The following DRC1 variants were observed in gnomAD, a reference collection of about 807,000 sequenced individuals.
The protein encoded by DRC1 is dynein regulatory complex subunit 1.
A neutral mutation model predicts 98.7 loss-of-function variants in DRC1; 74 were observed. The ratio of observed to expected loss-of-function variants is 0.75; its 90% CI spans 0.62 to 0.91. The LOEUF (loss-of-function observed/expected upper bound fraction) is 0.91. Among genes scored for constraint, DRC1 ranks in the 40% least tolerant of loss-of-function variants. The probability of loss-of-function intolerance (pLI) is 0.00; values close to 1 mark genes in which losing one functional copy is unlikely to be tolerated. For missense variants in DRC1, 875 were observed against 886.0 expected, an observed-to-expected ratio of 0.99 and a Z score of 0.16; for synonymous variants, 336 against 334.1, an observed-to-expected ratio of 1.01 and a Z score of -0.06.
intron 1 of DRC1, among the ~76,000 whole-genome samples, chr2:26,405,523 G>A (rs1310969197): frequency 1.3e-5 from 2 of 151,962 alleles, no homozygotes; most frequent in African/African-American, 4.8e-5. Flanking sequence ...GCACCTGAAG[G>A]TAGGTGGTCA....
intron 4 of DRC1, among the ~76,000 whole-genome samples, chr2:26,427,582 G>T (rs1663319562): frequency 6.6e-6 from 1 of 151,854 alleles, no homozygotes; most frequent in Admixed American, 6.6e-5. Context: ...AAACATTCCA[G>T]TTATACTCTT....
intron 8 of DRC1, among the ~76,000 whole-genome samples, chr2:26,441,113 T>G (rs1434064674): frequency 6.6e-6 from 1 of 152,218 alleles, no homozygotes; most frequent in African/African-American, 2.4e-5. Context: ...CATCCTTCCC[T>G]TCTTCCTCAT....
chr2:26,402,029 G>T lies in DRC1; in HGVS notation c.40G>T (p.Val14Leu). 1.2e-6 allele frequency: 2 copies of T among 1,612,680 alleles called. No homozygotes were observed. The highest frequency in any genetic ancestry group is 8.5e-7 in the Non-Finnish European group (1 of 1,179,556). The change falls in exon 1 of 17, where the codon GTG becomes TTG. Residue 14 changes from valine (V) to leucine (L), a missense_variant. Physicochemically the swap from Val to Leu is conservative, Grantham distance 32. Coordinates refer to ENST00000288710, the MANE Select transcript of DRC1 (RefSeq NM_145038.5). ...GTCCCTAGAGGCCCTGGACCCGAAC[G>T]TGGACGAGCACTTGTCCACCCAGAT... The part of the protein sequence containing the change: ...PGSLEALDPN[V>L]DEHLSTQILA...
At chr2:26,441,916 C>T (rs760186323) in intron 8 of DRC1, among the ~76,000 whole-genome samples, 2 of 152,216 alleles carry the variant, frequency 1.3e-5, no homozygotes, top group African/African-American at 2.4e-5. Context: ...TTCCTGCTCA[C>T]CACCACCCAG....
At chr2:26,403,883 C>T (rs1185816762) in intron 1 of DRC1, among the ~76,000 whole-genome samples, 1 of 150,730 alleles carries the variant, frequency 6.6e-6, no homozygotes, top group Non-Finnish European at 1.5e-5. Flanking sequence ...GGCGGGATCA[C>T]GAGGTCAGGA....
At chr2:26,415,131 C>T (rs978835435) in intron 2 of DRC1, among the ~76,000 whole-genome samples, 8 of 152,132 alleles carry the variant, frequency 5.3e-5, no homozygotes, top group Admixed American at 3.3e-4. Flanking sequence ...TGGGGTAGTG[C>T]GTAGCTTGTA....
At chr2:26,416,980 T>A (rs1572357015) in intron 2 of DRC1, among the ~76,000 whole-genome samples, 3 of 149,958 alleles carry the variant, frequency 2.0e-5, no homozygotes, top group South Asian at 4.3e-4. Context: ...GGAGCAGGAG[T>A]GAGAGAGAGA....
chr2:26,436,714 G>T (rs1663581898), intron 7 of DRC1, among the ~76,000 whole-genome samples: 2 of 148,030 alleles, frequency 1.4e-5, no homozygotes, highest in African/African-American at 5.2e-5. Context: ...TGCTCTTGTT[G>T]TATTGTAAAT....
rs938998447 is a variant in DRC1 at position 26,401,924 on chromosome 2, C to G, written c.-66C>G. ...CGCTCTCCCTGGCAACGGTTTGTTC[C>G]TAGCAACCAGCCTGAGGTCTGGAGG... On this transcript the variant is annotated 5_prime_UTR_variant, in exon 1 of 17. Coordinates refer to ENST00000288710, the MANE Select transcript of DRC1 (RefSeq NM_145038.5). 9 of 1,515,868 alleles carry G rather than the reference C, an allele frequency of 5.9e-6. No individual in the cohort carries two copies. In the Admixed American group the frequency reaches 1.1e-4, roughly 18 times the overall value. 93.9% of individuals were successfully genotyped at this position (1,515,868 alleles called of 1,614,324 possible). A position where few individuals can be genotyped will look rare whatever the true frequency, so the allele number is the denominator to read the frequency against.
At chr2:26,455,495 C>T (rs1664128648) in intron 16 of DRC1, among the ~76,000 whole-genome samples, 1 of 152,356 alleles carries the variant, frequency 6.6e-6, no homozygotes, top group African/African-American at 2.4e-5. Context: ...CCAGCTGGGA[C>T]TGCTCTGTGT....
At chr2:26,455,334 G>A in intron 16 of DRC1, 101 bp downstream of exon 16, 1 of 1,090,198 alleles carries the variant, frequency 9.2e-7, no homozygotes. Flanking sequence ...CCCCGTCAGA[G>A]GCAAGGGAGC....
At chr2:26,426,370 ATT>A (rs778327054) in intron 4 of DRC1, among the ~76,000 whole-genome samples, 36 of 138,186 alleles carry the variant, frequency 2.6e-4, no homozygotes, top group Middle Eastern at 3.4e-3. Context: ...GTTTTTGTTT[ATT>A]TTTTTTTTTT....
Position 26,432,004 on chromosome 2 carries a change from C to A in DRC1, c.886C>A (p.Gln296Lys). 2 of 1,613,558 alleles carry A rather than the reference C, an allele frequency of 1.2e-6. No homozygotes were observed. The highest frequency in any genetic ancestry group is 1.7e-6 in the Non-Finnish European group (2 of 1,179,666). The change falls in exon 7 of 17, where the codon CAG (glutamine) becomes AAG (lysine). Residue 296 changes from glutamine (Q) to lysine (K), a missense_variant and splice_region_variant. Gln to Lys is a moderately conservative substitution (Grantham distance 53). Transcript: ENST00000288710. ...MIKIKLEQDV[Q>K]ILEQQLQQRK... ...CAAGATCAAGCTGGAGCAGGATGTG[C>A]AGGTGCAACAGCTGGTCCTCACTAG...
intron 1 of DRC1, among the ~76,000 whole-genome samples, chr2:26,402,879 T>G (rs1678297344): frequency 6.6e-6 from 1 of 152,224 alleles, no homozygotes; most frequent in South Asian, 2.1e-4. Flanking sequence ...ATCAGTGGAA[T>G]GCAGGGGCCG....
chr2:26,415,132 G>C (rs542834992), intron 2 of DRC1, among the ~76,000 whole-genome samples: 1 of 152,232 alleles, frequency 6.6e-6, no homozygotes, highest in African/African-American at 2.4e-5. Context: ...GGGGTAGTGC[G>C]TAGCTTGTAC....
At chr2:26,437,513 G>C (rs564474995) in intron 7 of DRC1, among the ~76,000 whole-genome samples, 10 of 152,322 alleles carry the variant, frequency 6.6e-5, no homozygotes, top group African/African-American at 2.4e-4. Flanking sequence ...GATGGGGTGA[G>C]GTGGGCACTT....
chr2:26,437,514 G>A (rs957270373), intron 7 of DRC1, among the ~76,000 whole-genome samples: 3 of 152,200 alleles, frequency 2.0e-5, no homozygotes, highest in Non-Finnish European at 2.9e-5. Context: ...ATGGGGTGAG[G>A]TGGGCACTTG....
At chr2:26,436,203 A>G (rs1663567550) in intron 7 of DRC1, among the ~76,000 whole-genome samples, 1 of 150,196 alleles carries the variant, frequency 6.7e-6, no homozygotes, top group Admixed American at 6.6e-5. Flanking sequence ...TTTGATTAGC[A>G]TTTCTCTAAT....
chr2:26,418,662 T>TTA (rs1553340633), intron 2 of DRC1, among the ~76,000 whole-genome samples: 3 of 89,844 alleles, frequency 3.3e-5, no homozygotes, highest in African/African-American at 9.2e-5. Context: ...AAATTATATA[T>TTA]TATATAAATT....
Sources: allele counts gnomAD v4.1 joint callset (sites outside exome capture counted in the v4.1 genomes callset), GRCh38; gene constraint gnomAD v4.1.1; transcripts MANE v1.5; gene names NCBI Gene and HGNC (gene_info 2026-07-23, HGNC 2026-07-21).